NCOA2: variants seen among roughly 807,000 people sequenced by gnomAD.
NCOA2 encodes class E basic helix-loop-helix protein 75.
In NCOA2, 21 loss-of-function variants were observed where a neutral mutation model predicts 145.1. The observed-to-expected ratio is 0.14, with a 90% CI of 0.10 to 0.21. The LOEUF is 0.21. Ranked by LOEUF, NCOA2 falls within the 10% of genes least tolerant of loss-of-function variation. The pLI, the probability that NCOA2 is intolerant of heterozygous loss-of-function variation, is 1.00. For missense variants in NCOA2, 1,472 were observed against 1,837.6 expected (o/e 0.80, Z 3.64); for synonymous variants, 619 against 637.5 (o/e 0.97, Z 0.44).
At chr8:70,423,600 G>A in the NCOA2 span, among the ~76,000 whole-genome samples, 4 of 152,048 alleles carry the variant, frequency 2.6e-5, no homozygotes, top group East Asian at 5.8e-4. Context: ...TGTCCTTTTT[G>A]GAGGTCTCGC....
chr8:70,384,400 T>C (rs1180386672), intron 1 of NCOA2, among the ~76,000 whole-genome samples: 1 of 152,202 alleles, frequency 6.6e-6, no homozygotes, highest in Non-Finnish European at 1.5e-5. Flanking sequence ...TTAAGTCTTA[T>C]GCAGGAATTT....
At chr8:70,130,491 A>G (rs1808968487) in intron 16 of NCOA2, among the ~76,000 whole-genome samples, 1 of 152,168 alleles carries the variant, frequency 6.6e-6, no homozygotes, top group Non-Finnish European at 1.5e-5. Flanking sequence ...TCTAACTATC[A>G]CTGAAGACAA....
intron 1 of NCOA2, among the ~76,000 whole-genome samples, chr8:70,307,998 A>C (rs1828026512): frequency 6.6e-6 from 1 of 152,178 alleles, no homozygotes; most frequent in African/African-American, 2.4e-5. Context: ...TTATTTACAT[A>C]ATAAATATGG....
At chr8:70,454,315 A>C in the NCOA2 span, among the ~76,000 whole-genome samples, 1 of 152,226 alleles carries the variant, frequency 6.6e-6, no homozygotes, top group South Asian at 2.1e-4. Flanking sequence ...ACAGCTCGGC[A>C]GCTCTGAACT....
chr8:70,437,816 A>G, the NCOA2 span, among the ~76,000 whole-genome samples: 1 of 152,248 alleles, frequency 6.6e-6, no homozygotes, highest in Non-Finnish European at 1.5e-5. Context: ...CAACATAATC[A>G]TTATAGACAT....
chr8:70,406,692 T>C (rs900497088), upstream of NCOA2, among the ~76,000 whole-genome samples: 7 of 152,186 alleles, frequency 4.6e-5, no homozygotes, highest in Non-Finnish European at 8.8e-5. Flanking sequence ...CAATATAACC[T>C]AGGAATAATC....
chr8:70,170,528 C>T, intron 5 of NCOA2, 149 bp from the exon 6 acceptor site: 1 of 662,046 alleles, frequency 1.5e-6, no homozygotes, highest in Non-Finnish European at 2.4e-6. Flanking sequence ...TTTTCAGGAA[C>T]AATTAACACA....
intron 4 of NCOA2, among the ~76,000 whole-genome samples, chr8:70,179,754 C>T (rs576568896): frequency 6.6e-6 from 1 of 152,074 alleles, no homozygotes; most frequent in East Asian, 1.9e-4. Context: ...GTAGAAAGCT[C>T]GTCTCAGAGT....
rs536014250 is a variant in NCOA2, at chr8:70,306,637, C to T, written c.-76-9837G>A. Among the ~76,000 whole-genome samples, 16 of 152,142 alleles carry T rather than the reference C, an allele frequency of 1.1e-4. No individual in the cohort carries two copies. The South Asian group carries it at 2.5e-3, about 24-fold the overall frequency. On this transcript the variant is annotated intron_variant, in intron 1 of 22. Coordinates refer to ENST00000452400, the MANE Select transcript of NCOA2 (RefSeq NM_006540.4). Reference sequence around the variant, plus strand: ...GCTTATGTCTGTAATCCCAGCACTTCGGGAGGCTGAGGTGGGAGGATTATT... The same window carrying T: ...GCTTATGTCTGTAATCCCAGCACTTTGGGAGGCTGAGGTGGGAGGATTATT...
intron 1 of NCOA2, among the ~76,000 whole-genome samples, chr8:70,370,948 G>A (rs780216857): frequency 3.3e-5 from 5 of 152,150 alleles, no homozygotes; most frequent in Non-Finnish European, 7.3e-5. Flanking sequence ...CCTTTGTTGT[G>A]CTGGGCAATA....
intron 2 of NCOA2, among the ~76,000 whole-genome samples, chr8:70,226,737 T>C (rs1335267140): frequency 6.6e-6 from 1 of 151,378 alleles, no homozygotes; most frequent in African/African-American, 2.4e-5. Flanking sequence ...TTCTGTATAA[T>C]ATAGACAGAT....
At chr8:70,451,235 A>AT in the NCOA2 span, among the ~76,000 whole-genome samples, 1,921 of 98,126 alleles carry the variant, frequency 0.02, 13 homozygotes, top group African/African-American at 0.055. Flanking sequence ...AAAAAAAAAA[A>AT]AAATATATAT....
intron 2 of NCOA2, among the ~76,000 whole-genome samples, chr8:70,286,256 T>A (rs1244822690): frequency 6.6e-6 from 1 of 151,740 alleles, no homozygotes; most frequent in African/African-American, 2.4e-5. Flanking sequence ...TACAAAAAAA[T>A]AAAAAATTAG....
At chr8:70,418,563 C>T in the NCOA2 span, among the ~76,000 whole-genome samples, 4 of 152,168 alleles carry the variant, frequency 2.6e-5, no homozygotes, top group African/African-American at 9.7e-5. Flanking sequence ...CCCCAGTCTG[C>T]CAGCAGCAGA....
chr8:70,170,106 G>A, intron 6 of NCOA2, 96 bp downstream of exon 6: 1 of 1,183,750 alleles, frequency 8.4e-7, no homozygotes, highest in Non-Finnish European at 1.2e-6. Context: ...ATATAATATA[G>A]TTTTATTTGA....
chr8:70,124,655 G>A, intron 20 of NCOA2, 33 bp downstream of exon 20: 1 of 1,560,360 alleles, frequency 6.4e-7, no homozygotes, highest in South Asian at 1.2e-5. Flanking sequence ...CTGTCACAGT[G>A]GCGGTATGAA....
At chr8:70,294,625 T>C (rs1826942393) in intron 2 of NCOA2, among the ~76,000 whole-genome samples, 1 of 152,216 alleles carries the variant, frequency 6.6e-6, no homozygotes, top group African/African-American at 2.4e-5. Flanking sequence ...AATTTTGAAG[T>C]CTTCAAATAT....
At chr8:70,231,777 ATG>A in intron 2 of NCOA2, among the ~76,000 whole-genome samples, 1 of 152,144 alleles carries the variant, frequency 6.6e-6, no homozygotes, top group Admixed American at 6.5e-5. Flanking sequence ...CATTACAAAG[ATG>A]CCCTTATATA....
chr8:70,164,895 C>T (rs1466646124), intron 7 of NCOA2, among the ~76,000 whole-genome samples: 1 of 151,802 alleles, frequency 6.6e-6, no homozygotes, highest in East Asian at 1.9e-4. Flanking sequence ...CACGTAGTAG[C>T]ATTATTTCCA....
Sources: gnomAD v4.1 joint callset for allele counts (sites outside exome capture counted in the v4.1 genomes callset) on GRCh38, gnomAD v4.1.1 for gene constraint, MANE v1.5 for transcripts, NCBI Gene and HGNC (gene_info 2026-07-23, HGNC 2026-07-21) for gene names.